Variants in PI4KA observed in about 807,000 individuals in gnomAD.
The protein encoded by PI4KA is phosphatidylinositol 4-kinase alpha.
PI4KA carries 122 observed loss-of-function variants against 271.4 expected under a neutral mutation model. The ratio of observed to expected loss-of-function variants is 0.45; its 90% CI spans 0.39 to 0.52. The LOEUF (loss-of-function observed/expected upper bound fraction) is 0.52. Ranked by LOEUF, PI4KA falls within the 20% of genes least tolerant of loss-of-function variation. The pLI is 0.00. For missense variants in PI4KA, 1,969 were observed against 2,769.1 expected (o/e 0.71, Z 6.48); for synonymous variants, 1,041 against 1,078.8 (o/e 0.96, Z 0.69).
chr22:20,747,710 A>G lies in PI4KA; in HGVS notation c.3244-8T>C. 1 of 1,612,052 alleles carries G rather than the reference A, an allele frequency of 6.2e-7. No homozygotes were observed. Among genetic ancestry groups the G allele is most frequent in the Non-Finnish European group, 8.5e-7 (1 of 1,178,392 alleles). On this transcript the variant is annotated splice_polypyrimidine_tract_variant and splice_region_variant and intron_variant, in intron 28 of 54. Transcript: ENST00000255882. ...ATGTTTGTTCAGATATTCCTGAAAT[A>G]GGAAAAACACATGGGGTTTCAGTTA...
At position 20,738,385 on chromosome 22, in the gene PI4KA, A is replaced by G. The variant is rs886644329; in HGVS notation, c.3742-3832T>C. On this transcript the variant is annotated intron_variant, in intron 32 of 54. Transcript: ENST00000255882. ...GTTATCAGTTACTAGTGCAGCCCAC[A>G]TGCATTTATTTTGGGTCATGAATTT... is the stretch of plus-strand genomic sequence containing the variant. 2.6e-5 allele frequency among the ~76,000 whole-genome samples: 4 copies of G among 152,340 alleles called. 1 individual carries two copies. The highest frequency in any genetic ancestry group is 9.6e-5 in the African/African-American group (4 of 41,574).
At chr22:20,823,982 C>T (rs1364951506) in intron 4 of PI4KA, among the ~76,000 whole-genome samples, 3 of 151,810 alleles carry the variant, frequency 2.0e-5, no homozygotes, top group Non-Finnish European at 4.4e-5. Context: ...CTTCAATCCC[C>T]AACAAAGAGC....
intron 26 of PI4KA, 114 bp from the exon 27 acceptor site, chr22:20,751,490 G>A: frequency 9.7e-7 from 1 of 1,026,798 alleles, no homozygotes; most frequent in East Asian, 2.5e-5. Context: ...CTCCATACTT[G>A]ATGCAACTTA....
intron 5 of PI4KA, 41 bp downstream of exon 5, chr22:20,820,498 C>A (rs1922501096): frequency 3.8e-6 from 5 of 1,313,578 alleles, no homozygotes; most frequent in Non-Finnish European, 5.4e-6. Flanking sequence ...GAAAGAGTAA[C>A]CACAAAACCA....
chr22:20,810,979 G>A lies in PI4KA; in HGVS notation c.1059C>T (p.Ala353=). The change falls in exon 9 of 55, where the codon GCC becomes GCT. Residue 353 remains alanine (A), a synonymous_variant. Transcript: ENST00000255882. ...AVLKSLDAIV[A]SVMEANPSAD... ...AGAAGCGACATACCTCCATCACACT[G>A]GCTACAATGGCATCCAAAGATTTGA... 6.2e-7 allele frequency: 1 copy of A among 1,612,558 alleles called. No individual in the cohort carries two copies. Among genetic ancestry groups the A allele is most frequent in the Non-Finnish European group, 8.5e-7 (1 of 1,178,652 alleles).
chr22:20,853,562 A>ACT (rs1927245486), intron 1 of PI4KA, among the ~76,000 whole-genome samples: 1 of 152,050 alleles, frequency 6.6e-6, no homozygotes, highest in African/African-American at 2.4e-5. Context: ...CCAGAGGGAG[A>ACT]GGGCTGAGGA....
Position 20,834,635 on chromosome 22 carries a change from A to G in PI4KA, c.294T>C (p.Pro98=). The G allele has an allele frequency of 6.2e-7, 1 of 1,604,138 alleles. No individual in the cohort carries two copies. Among genetic ancestry groups the G allele is most frequent in the Non-Finnish European group, 8.5e-7 (1 of 1,171,008 alleles). ...SDLQHKDCVV[P]YLLRLLKGLP... ...GACCTTTGAGAAGTCGAAGAAGGTA[A>G]GGAACCACACAATCTTTGTGCTAAA... The change falls in exon 3 of 55, where the codon CCT becomes CCC. Residue 98 remains proline, a synonymous_variant. Transcript: ENST00000255882.
At chr22:20,768,918 G>C (rs1299643688) in intron 19 of PI4KA, among the ~76,000 whole-genome samples, 2 of 152,218 alleles carry the variant, frequency 1.3e-5, no homozygotes, top group Non-Finnish European at 2.9e-5. Context: ...GACAGTGACA[G>C]TAAGAACACG....
chr22:20,847,832 A>T (rs759779476), intron 1 of PI4KA, among the ~76,000 whole-genome samples: 53 of 152,354 alleles, frequency 3.5e-4, no homozygotes, highest in Admixed American at 8.5e-4. Flanking sequence ...TATGAATAAA[A>T]ACAAAAGAAG....
At chr22:20,844,229 A>G (rs1255641535) in intron 1 of PI4KA, among the ~76,000 whole-genome samples, 1 of 152,174 alleles carries the variant, frequency 6.6e-6, no homozygotes, top group African/African-American at 2.4e-5. Context: ...TGCACCCTAC[A>G]CATTTCAGAA....
intron 36 of PI4KA, among the ~76,000 whole-genome samples, chr22:20,730,381 C>T (rs5760217): frequency 0.46 from 70,012 of 150,602 alleles, 16,354 homozygotes; most frequent in East Asian, 0.59. Context: ...TTCAAGTGAT[C>T]CTCCTGCCTC....
intron 3 of PI4KA, among the ~76,000 whole-genome samples, chr22:20,832,261 C>T (rs1248350882): frequency 4.7e-5 from 7 of 148,900 alleles, no homozygotes; most frequent in South Asian, 2.1e-4. Flanking sequence ...GATTTACAGG[C>T]GTGCGCCACC....
intron 23 of PI4KA, among the ~76,000 whole-genome samples, chr22:20,753,386 T>C (rs1415008281): frequency 1.3e-5 from 2 of 152,182 alleles, no homozygotes; most frequent in Non-Finnish European, 2.9e-5. Flanking sequence ...CAGATATTGA[T>C]ATAATCCTAT....
chr22:20,733,895 G>T (rs762152656), intron 34 of PI4KA, 52 bp from the exon 35 acceptor site: 3 of 1,611,590 alleles, frequency 1.9e-6, no homozygotes, highest in Non-Finnish European at 2.5e-6. Context: ...CTGGGGCCAA[G>T]TTCACCTTAT....
intron 19 of PI4KA, among the ~76,000 whole-genome samples, chr22:20,768,815 G>A (rs1932754046): frequency 6.6e-6 from 1 of 152,148 alleles, no homozygotes; most frequent in Non-Finnish European, 1.5e-5. Flanking sequence ...AGCAGCAGAC[G>A]GAAGCGACAC....
At chr22:20,822,201 T>C (rs932214291) in intron 4 of PI4KA, among the ~76,000 whole-genome samples, 5 of 152,172 alleles carry the variant, frequency 3.3e-5, no homozygotes, top group Non-Finnish European at 7.4e-5. Context: ...TGTGTCACTA[T>C]GCCCAGCTAA....
At chr22:20,752,639 G>A (rs914582026) in intron 25 of PI4KA, among the ~76,000 whole-genome samples, 1 of 152,200 alleles carries the variant, frequency 6.6e-6, no homozygotes, top group African/African-American at 2.4e-5. Flanking sequence ...GAGTGGGTGG[G>A]ACTGAGAGAC....
chr22:20,850,305 G>T (rs1926799428), intron 1 of PI4KA, among the ~76,000 whole-genome samples: 1 of 152,004 alleles, frequency 6.6e-6, no homozygotes, highest in South Asian at 2.1e-4. Context: ...GGAGGCCAAG[G>T]CAGGTGGATC....
chr22:20,833,431 C>CTGCCTCTTTG (rs1316877193), intron 3 of PI4KA, among the ~76,000 whole-genome samples: 1 of 152,138 alleles, frequency 6.6e-6, no homozygotes, highest in African/African-American at 2.4e-5. Context: ...CTGGGGCTGC[C>CTGCCTCTTTG]TGCCTCTATG....
Sources: gnomAD v4.1 joint callset for allele counts (sites outside exome capture counted in the v4.1 genomes callset) on GRCh38, gnomAD v4.1.1 for gene constraint, MANE v1.5 for transcripts, NCBI Gene and HGNC (gene_info 2026-07-23, HGNC 2026-07-21) for gene names.